Variants in DMD observed in about 807,000 individuals in gnomAD.
The protein encoded by DMD is dystrophin.
In DMD, 63 loss-of-function variants were observed where a neutral mutation model predicts 330.1. The observed-to-expected ratio is 0.19, with a 90% CI of 0.16 to 0.24. The LOEUF is 0.24. Ranked by LOEUF, DMD falls within the 10% of genes least tolerant of loss-of-function variation. The probability of loss-of-function intolerance (pLI) is 1.00; values close to 1 mark genes in which losing one functional copy is unlikely to be tolerated. For synonymous variants in DMD, 1,223 were observed against 959.8 expected, an observed-to-expected ratio of 1.27 and a Z score of -5.07; for missense variants, 3,344 against 2,684.1, an observed-to-expected ratio of 1.25 and a Z score of -5.43.
chrX:31,774,776 G>A (rs1025563724), intron 50 of DMD, among the ~76,000 whole-genome samples: 3 of 111,401 alleles, frequency 2.7e-5, no homozygotes, highest in Non-Finnish European at 5.6e-5. Context: ...ATTTCAGATT[G>A]TTAGTAAACT....
At chrX:31,913,933 C>G (rs1310386449) in intron 47 of DMD, among the ~76,000 whole-genome samples, 1 of 111,771 alleles carries the variant, frequency 8.9e-6, no homozygotes, top group Non-Finnish European at 1.9e-5. Flanking sequence ...CTAAAAACAA[C>G]CATTGCCTCC....
intron 44 of DMD, among the ~76,000 whole-genome samples, chrX:32,052,025 T>C (rs2096119807): frequency 8.9e-6 from 1 of 112,108 alleles, no homozygotes; most frequent in East Asian, 2.8e-4. Context: ...AAAAATATGT[T>C]CCCAGGAATT....
At chrX:32,801,801 C>G (rs1013153164) in intron 7 of DMD, among the ~76,000 whole-genome samples, 1 of 111,339 alleles carries the variant, frequency 9.0e-6, no homozygotes, top group African/African-American at 3.3e-5. Flanking sequence ...GCAGGTTTGT[C>G]AAAGATCAGA....
At chrX:32,218,655 G>T (rs1448704703) in intron 43 of DMD, among the ~76,000 whole-genome samples, 1 of 111,811 alleles carries the variant, frequency 8.9e-6, no homozygotes. Context: ...GCCAGGCACC[G>T]GGCTCTGTGC....
At chrX:32,418,956 G>C (rs1299124274) in intron 29 of DMD, among the ~76,000 whole-genome samples, 7 of 59,868 alleles carry the variant, frequency 1.2e-4, no homozygotes, top group African/African-American at 1.6e-4. Context: ...CTGGGTGACA[G>C]AGTGAGACTC....
intron 54 of DMD, among the ~76,000 whole-genome samples, chrX:31,640,971 A>G (rs1005047004): frequency 6.3e-5 from 7 of 111,862 alleles, no homozygotes; most frequent in African/African-American, 2.0e-4. Context: ...TGGAAGAGAA[A>G]TATGCAGATG....
chrX:33,245,011 C>T (rs5928211), intron 1 of DMD, among the ~76,000 whole-genome samples: 66,888 of 110,386 alleles, frequency 0.61, 17,146 homozygotes, highest in Non-Finnish European at 0.82. Context: ...CTTCCTGCTA[C>T]CACTTAAAAA....
chrX:32,164,887 G>A (rs1024999923), intron 44 of DMD, among the ~76,000 whole-genome samples: 1 of 111,951 alleles, frequency 8.9e-6, no homozygotes, highest in African/African-American at 3.3e-5. Context: ...CCAAGGTACA[G>A]TTCGGACCAT....
chrX:32,707,966 C>G lies in DMD; in HGVS notation c.650-8673G>C, dbSNP rs190080285. ...GCGGTTTTCGTGCTTTGCTTTTGAC[C>G]TAACCAAATTGACTTTTTCTTTCCT... On this transcript the variant is annotated intron_variant, in intron 7 of 78. Transcript: ENST00000357033. Among the ~76,000 whole-genome samples the G allele has an allele frequency of 8.2e-3, 921 of 111,918 alleles. 7 individuals are homozygous for G. The highest frequency in any genetic ancestry group is 0.028 in the African/African-American group (849 of 30,825).
At chrX:31,433,707 C>A (rs1252014548) in intron 60 of DMD, among the ~76,000 whole-genome samples, 1 of 111,284 alleles carries the variant, frequency 9.0e-6, no homozygotes. Flanking sequence ...GATCCACCCA[C>A]CTCGACCTCC....
At chrX:32,819,007 T>TTTTTG (rs2077994667) in intron 5 of DMD, among the ~76,000 whole-genome samples, 1 of 98,417 alleles carries the variant, frequency 1.0e-5, no homozygotes, top group African/African-American at 3.8e-5. Flanking sequence ...CTACAGGTGT[T>TTTTTG]TTTTTTTTTT....
intron 55 of DMD, among the ~76,000 whole-genome samples, chrX:31,581,914 C>T (rs1405486945): frequency 3.6e-5 from 4 of 111,398 alleles, no homozygotes; most frequent in Admixed American, 9.6e-5. Flanking sequence ...ATTAAAACAT[C>T]GACAACAATA....
At chrX:33,121,075 A>T (rs749789806) in intron 1 of DMD, among the ~76,000 whole-genome samples, 8 of 109,839 alleles carry the variant, frequency 7.3e-5, no homozygotes, top group Non-Finnish European at 1.3e-4. Flanking sequence ...TAAGTTTTCC[A>T]TATTTTATGT....
intron 7 of DMD, among the ~76,000 whole-genome samples, chrX:32,701,822 C>A (rs1307329450): frequency 1.8e-5 from 2 of 111,223 alleles, no homozygotes; most frequent in Non-Finnish European, 3.8e-5. Context: ...TTATTGCCCC[C>A]CAAAAAATTT....
chrX:33,325,522 T>G (rs2054076920), intron 1 of DMD, among the ~76,000 whole-genome samples: 1 of 112,473 alleles, frequency 8.9e-6, no homozygotes, highest in African/African-American at 3.2e-5. Context: ...AAGGCACCTG[T>G]GTGCTGGCAG....
At chrX:32,451,178 T>C (rs2098328501) in intron 26 of DMD, among the ~76,000 whole-genome samples, 1 of 110,792 alleles carries the variant, frequency 9.0e-6, no homozygotes, top group African/African-American at 3.3e-5. Context: ...TTGTTAAAAA[T>C]GAAAAACTAC....
At chrX:32,111,407 G>C (rs970602527) in intron 44 of DMD, among the ~76,000 whole-genome samples, 6 of 111,541 alleles carry the variant, frequency 5.4e-5, no homozygotes, top group African/African-American at 2.0e-4. Context: ...TTTTTCTTAA[G>C]GATAACAGTA....
chrX:31,368,740 G>C (rs990099287), intron 60 of DMD, among the ~76,000 whole-genome samples: 1 of 110,011 alleles, frequency 9.1e-6, no homozygotes, highest in Admixed American at 9.7e-5. Context: ...CTGCCTCCCG[G>C]GTTCAAGAGA....
intron 51 of DMD, among the ~76,000 whole-genome samples, chrX:31,754,812 T>C (rs1014606436): frequency 9.0e-6 from 1 of 111,352 alleles, no homozygotes; most frequent in Non-Finnish European, 1.9e-5. Context: ...ACTCGTATAA[T>C]AGCATTTCAC....
Sources: allele counts gnomAD v4.1 joint callset (sites outside exome capture counted in the v4.1 genomes callset), GRCh38; gene constraint gnomAD v4.1.1; transcripts MANE v1.5; gene names NCBI Gene and HGNC (gene_info 2026-07-23, HGNC 2026-07-21).